The following CSMD1 variants were observed in gnomAD, a reference collection of about 807,000 sequenced individuals.
CSMD1 encodes CUB and Sushi multiple domains 1, also known as CUB and sushi domain-containing protein 1.
Under a neutral mutation model 417.5 loss-of-function variants are expected in CSMD1, and 213 were observed. The ratio of observed to expected loss-of-function variants is 0.51; its 90% CI spans 0.46 to 0.57. The LOEUF is 0.57. CSMD1 is among the 20% of genes least tolerant of loss of function. The pLI is 0.00. For missense variants in CSMD1, 6,923 were observed against 4,529.7 expected, an observed-to-expected ratio of 1.53 and a Z score of -15.17; for synonymous variants, 2,862 against 1,736.8, an observed-to-expected ratio of 1.65 and a Z score of -16.11.
At chr8:4,124,859 C>G (rs981529660) in intron 3 of CSMD1, among the ~76,000 whole-genome samples, 1 of 152,104 alleles carries the variant, frequency 6.6e-6, no homozygotes, top group East Asian at 1.9e-4. Flanking sequence ...AATAAACTAA[C>G]TCTATAGGAC....
intron 1 of CSMD1, among the ~76,000 whole-genome samples, chr8:4,765,274 G>A (rs1029144998): frequency 1.3e-5 from 2 of 152,148 alleles, no homozygotes; most frequent in African/African-American, 4.8e-5. Flanking sequence ...CACACAAAGA[G>A]TTTAGCTATT....
intron 17 of CSMD1, among the ~76,000 whole-genome samples, chr8:3,391,684 C>T (rs1811359057): frequency 6.6e-6 from 1 of 152,122 alleles, no homozygotes; most frequent in Non-Finnish European, 1.5e-5. Context: ...TCAGAAAGGC[C>T]TTCTGGAGTG....
intron 25 of CSMD1, among the ~76,000 whole-genome samples, chr8:3,297,791 G>C (rs986904323): frequency 3.3e-5 from 5 of 152,102 alleles, no homozygotes; most frequent in Non-Finnish European, 5.9e-5. Flanking sequence ...CCTTAACAAA[G>C]TTTGTGGCAT....
At chr8:4,297,054 T>G (rs1797724687) in intron 3 of CSMD1, among the ~76,000 whole-genome samples, 1 of 148,918 alleles carries the variant, frequency 6.7e-6, no homozygotes, top group South Asian at 2.2e-4. Flanking sequence ...CCAATAAAAA[T>G]GGTCGGATGG....
At chr8:4,005,366 C>A (rs184811276) in intron 4 of CSMD1, among the ~76,000 whole-genome samples, 3 of 152,220 alleles carry the variant, frequency 2.0e-5, no homozygotes, top group African/African-American at 7.2e-5. Context: ...GGGGCGGGTC[C>A]GGCTCCTTGA....
chr8:3,066,126 T>C (rs926074439), intron 49 of CSMD1, among the ~76,000 whole-genome samples: 22 of 152,214 alleles, frequency 1.4e-4, no homozygotes, highest in Admixed American at 9.8e-4. Flanking sequence ...TGCGGGCCTA[T>C]TGAGGTCTGT....
At chr8:3,562,802 A>G (rs1167677316) in intron 10 of CSMD1, among the ~76,000 whole-genome samples, 1 of 152,090 alleles carries the variant, frequency 6.6e-6, no homozygotes, top group Non-Finnish European at 1.5e-5. Flanking sequence ...GAGGATCGAG[A>G]AAAACAACTA....
intron 3 of CSMD1, among the ~76,000 whole-genome samples, chr8:4,411,101 C>T (rs997274598): frequency 6.6e-6 from 1 of 152,100 alleles, no homozygotes; most frequent in Admixed American, 6.6e-5. Flanking sequence ...CCACGTGTGG[C>T]CACCTGATCT....
At chr8:4,400,449 G>C (rs1804569506) in intron 3 of CSMD1, among the ~76,000 whole-genome samples, 1 of 152,198 alleles carries the variant, frequency 6.6e-6, no homozygotes, top group Admixed American at 6.5e-5. Flanking sequence ...TGCAGACATC[G>C]AGATTCATTC....
chr8:3,640,208 G>C (rs1012535573), intron 7 of CSMD1, among the ~76,000 whole-genome samples: 1 of 152,080 alleles, frequency 6.6e-6, no homozygotes, highest in Non-Finnish European at 1.5e-5. Context: ...CATGTGGGGA[G>C]GCATCAATGT....
At chr8:2,997,561 G>C (rs1002613814) in intron 54 of CSMD1, among the ~76,000 whole-genome samples, 1 of 152,054 alleles carries the variant, frequency 6.6e-6, no homozygotes, top group African/African-American at 2.4e-5. Context: ...ATGCAAAAAA[G>C]AACACAATTT....
intron 49 of CSMD1, among the ~76,000 whole-genome samples, chr8:3,056,333 A>C (rs1450265179): frequency 6.6e-6 from 1 of 152,130 alleles, no homozygotes; most frequent in Non-Finnish European, 1.5e-5. Context: ...AATAGTGGTT[A>C]ACTTTGTTTC....
chr8:4,423,425 T>G (rs976007147), intron 2 of CSMD1, among the ~76,000 whole-genome samples: 4 of 152,020 alleles, frequency 2.6e-5, no homozygotes, highest in East Asian at 1.9e-4. Flanking sequence ...AATGAACACG[T>G]TGACATCAAA....
intron 3 of CSMD1, among the ~76,000 whole-genome samples, chr8:4,110,644 G>A (rs1801802548): frequency 1.3e-5 from 2 of 152,086 alleles, no homozygotes; most frequent in Admixed American, 6.6e-5. Flanking sequence ...ACAGGTGTGT[G>A]TGTGCATGTG....
intron 7 of CSMD1, among the ~76,000 whole-genome samples, chr8:3,624,199 C>A (rs1324996752): frequency 6.6e-6 from 1 of 152,058 alleles, no homozygotes; most frequent in African/African-American, 2.4e-5. Context: ...TTTATATTCC[C>A]AACCAAACAT....
intron 5 of CSMD1, among the ~76,000 whole-genome samples, chr8:3,879,015 T>C (rs1806021947): frequency 6.6e-6 from 1 of 152,182 alleles, no homozygotes; most frequent in African/African-American, 2.4e-5. Flanking sequence ...ACTAATAATT[T>C]AGTATATTTT....
At chr8:3,476,016 G>A (rs144292041) in intron 11 of CSMD1, among the ~76,000 whole-genome samples, 2 of 152,312 alleles carry the variant, frequency 1.3e-5, no homozygotes, top group East Asian at 1.9e-4. Context: ...CTTGCTAAAT[G>A]GTTCAATAGT....
intron 5 of CSMD1, among the ~76,000 whole-genome samples, chr8:3,957,497 C>G (rs2740846): frequency 0.19 from 28,806 of 151,900 alleles, 3,097 homozygotes; most frequent in East Asian, 0.36. Flanking sequence ...GGCAACATGG[C>G]CGCACTCTTC....
intron 4 of CSMD1, among the ~76,000 whole-genome samples, chr8:4,000,857 T>C (rs1417049217): frequency 6.6e-6 from 1 of 152,094 alleles, no homozygotes; most frequent in Non-Finnish European, 1.5e-5. Flanking sequence ...AATACCTTTA[T>C]TACCTAAGAA....
Sources: gnomAD v4.1 joint callset for allele counts (sites outside exome capture counted in the v4.1 genomes callset) on GRCh38, gnomAD v4.1.1 for gene constraint, MANE v1.5 for transcripts, NCBI Gene and HGNC (gene_info 2026-07-23, HGNC 2026-07-21) for gene names.